SORCS2: variants seen among roughly 807,000 people sequenced by gnomAD.
SORCS2 encodes the protein sortilin related VPS10 domain containing receptor 2.
Under a neutral mutation model 141.6 loss-of-function variants are expected in SORCS2, and 100 were observed. That is an observed-to-expected ratio of 0.71 (90% CI 0.60 to 0.83). The LOEUF (loss-of-function observed/expected upper bound fraction) is 0.83, where lower values mean the gene tolerates loss of function less well. SORCS2 is among the 40% of genes least tolerant of loss of function. The probability of loss-of-function intolerance (pLI) is 0.00; values close to 1 mark genes in which losing one functional copy is unlikely to be tolerated. For missense variants in SORCS2, 1,646 were observed against 1,560.2 expected, an observed-to-expected ratio of 1.05 and a Z score of -0.93; for synonymous variants, 789 against 676.9, an observed-to-expected ratio of 1.17 and a Z score of -2.57.
chr4:7,397,678 A>G (rs1236558471), intron 2 of SORCS2, among the ~76,000 whole-genome samples: 1 of 152,128 alleles, frequency 6.6e-6, no homozygotes, highest in Non-Finnish European at 1.5e-5. Flanking sequence ...AGACGAGAGC[A>G]GAAAAGTGTA....
intron 19 of SORCS2, among the ~76,000 whole-genome samples, chr4:7,724,405 T>C (rs1726899251): frequency 7.5e-6 from 1 of 133,936 alleles, no homozygotes; most frequent in African/African-American, 3.2e-5. Flanking sequence ...ATGGTGATAG[T>C]AGTGGTGGGA....
chr4:7,255,255 G>A (rs1713777797), intron 1 of SORCS2, among the ~76,000 whole-genome samples: 1 of 151,982 alleles, frequency 6.6e-6, no homozygotes, highest in African/African-American at 2.4e-5. Flanking sequence ...CGTGGGCCTT[G>A]GGAGAATCTA....
At chr4:7,418,636 T>C (rs1725844681) in intron 2 of SORCS2, among the ~76,000 whole-genome samples, 1 of 151,922 alleles carries the variant, frequency 6.6e-6, no homozygotes, top group Admixed American at 6.6e-5. Context: ...CTGTGCCCTC[T>C]GCGGGATGAA....
intron 3 of SORCS2, among the ~76,000 whole-genome samples, chr4:7,613,310 C>T (rs1718543710): frequency 6.6e-6 from 1 of 152,244 alleles, no homozygotes. Flanking sequence ...ACGAATGAGA[C>T]AGATGAGAGT....
chr4:7,293,660 G>T (rs1326468970), intron 1 of SORCS2, among the ~76,000 whole-genome samples: 1 of 152,224 alleles, frequency 6.6e-6, no homozygotes, highest in Non-Finnish European at 1.5e-5. Flanking sequence ...GGATGGCATA[G>T]ACAGGTGGGC....
chr4:7,263,832 C>T (rs558709957), intron 1 of SORCS2, among the ~76,000 whole-genome samples: 45 of 152,310 alleles, frequency 3.0e-4, no homozygotes, highest in Admixed American at 1.0e-3. Context: ...AGTTCCACCC[C>T]GACGTGGACA....
chr4:7,636,232 C>T lies in SORCS2; in HGVS notation c.649-2096C>T, dbSNP rs200029547. 3.7e-5 allele frequency among the ~76,000 whole-genome samples: 3 copies of T among 80,708 alleles called. No homozygotes were observed. In the Admixed American group the frequency reaches 4.9e-4, roughly 13 times the overall value. The allele number at this position is 80,708 out of a possible 152,430, so 52.9% of individuals were successfully genotyped here. On this transcript the variant is annotated intron_variant, in intron 3 of 26. Coordinates refer to ENST00000507866, the MANE Select transcript of SORCS2 (RefSeq NM_020777.3). ...AATGCTTGGCTCCAAAGGGAGACTT[C>T]CTTTGGGACTTGCTTTGGGTCCCCT...
intron 1 of SORCS2, among the ~76,000 whole-genome samples, chr4:7,300,287 G>A (rs1717348588): frequency 6.6e-6 from 1 of 152,134 alleles, no homozygotes; most frequent in South Asian, 2.1e-4. Context: ...GGATGGGGTG[G>A]GAAGTACTCT....
chr4:7,724,169 G>GTGATGGTGGTGGTGGTGATGGTGA (rs1726836042), intron 19 of SORCS2, among the ~76,000 whole-genome samples: 3 of 147,472 alleles, frequency 2.0e-5, no homozygotes, highest in African/African-American at 5.2e-5. Context: ...GGTGATGGTG[G>GTGATGGTGGTGGTGGTGATGGTGA]TGATGGTGAT....
intron 1 of SORCS2, among the ~76,000 whole-genome samples, chr4:7,226,760 T>C (rs1189769362): frequency 2.0e-5 from 3 of 151,844 alleles, no homozygotes; most frequent in African/African-American, 7.3e-5. Flanking sequence ...CAGACCCTGC[T>C]CCGTTGGTGG....
intron 18 of SORCS2, among the ~76,000 whole-genome samples, chr4:7,720,104 C>T (rs1328376137): frequency 1.3e-5 from 2 of 152,172 alleles, no homozygotes; most frequent in African/African-American, 2.4e-5. Flanking sequence ...CTCTCAAACT[C>T]GCAGATTTGT....
Position 7,457,416 on chromosome 4 carries a change from C to G in SORCS2, c.548+61061C>G, listed in dbSNP as rs116865728. 1.8e-4 allele frequency among the ~76,000 whole-genome samples: 28 copies of G among 152,290 alleles called. No homozygotes were observed. The East Asian group carries it at 5.4e-3, about 29-fold the overall frequency. ...CGCGTGCCCCAGTGAACATCGCAAG[C>G]TGGCAGGTGTGAGCTGCAGCCAGAG... is the stretch of plus-strand genomic sequence containing the variant. On this transcript the variant is annotated intron_variant, in intron 2 of 26. Transcript: ENST00000507866.
intron 2 of SORCS2, among the ~76,000 whole-genome samples, chr4:7,521,532 T>C (rs1423887954): frequency 2.6e-5 from 4 of 152,192 alleles, no homozygotes; most frequent in African/African-American, 9.7e-5. Context: ...TGTTAGAAAG[T>C]CTGGGTACCT....
At chr4:7,630,484 G>T (rs2108846673) in intron 3 of SORCS2, among the ~76,000 whole-genome samples, 1 of 152,304 alleles carries the variant, frequency 6.6e-6, no homozygotes, top group African/African-American at 2.4e-5. Context: ...TGAGGAGAGG[G>T]ACTTGTCCAA....
chr4:7,347,062 A>T (rs1424654264), intron 1 of SORCS2, among the ~76,000 whole-genome samples: 4 of 152,326 alleles, frequency 2.6e-5, no homozygotes, highest in South Asian at 2.1e-4. Flanking sequence ...ATGATTATTT[A>T]AAAAATTTAG....
At chr4:7,298,700 C>T (rs574093303) in intron 1 of SORCS2, among the ~76,000 whole-genome samples, 68 of 152,300 alleles carry the variant, frequency 4.5e-4, no homozygotes, top group African/African-American at 1.4e-3. Flanking sequence ...CCAGCACTCC[C>T]GCCGTAGTAT....
chr4:7,287,035 C>T (rs764707829), intron 1 of SORCS2, among the ~76,000 whole-genome samples: 12 of 152,220 alleles, frequency 7.9e-5, no homozygotes, highest in South Asian at 4.1e-4. Context: ...TCCTTTCTCT[C>T]TTCTGGGTTT....
At chr4:7,420,792 CCCCACCAGCCAG>C (rs1725989708) in intron 2 of SORCS2, among the ~76,000 whole-genome samples, 2 of 152,204 alleles carry the variant, frequency 1.3e-5, no homozygotes, top group Admixed American at 6.5e-5. Flanking sequence ...ATCCACCATG[CCCCACCAGCCAG>C]CCCGCCTGCC....
chr4:7,252,776 A>C (rs1025778914), intron 1 of SORCS2, among the ~76,000 whole-genome samples: 1 of 152,254 alleles, frequency 6.6e-6, no homozygotes, highest in African/African-American at 2.4e-5. Flanking sequence ...TAAACCCCAA[A>C]CAGATGAGGC....
Sources: allele counts gnomAD v4.1 joint callset (sites outside exome capture counted in the v4.1 genomes callset), GRCh38; gene constraint gnomAD v4.1.1; transcripts MANE v1.5; gene names NCBI Gene and HGNC (gene_info 2026-07-23, HGNC 2026-07-21).